Variants in SCEL observed in about 807,000 individuals in gnomAD.
The protein encoded by SCEL is sciellin.
A neutral mutation model predicts 117.6 loss-of-function variants in SCEL; 113 were observed. The observed-to-expected ratio is 0.96, with a 90% CI of 0.83 to 1.12. The LOEUF (loss-of-function observed/expected upper bound fraction) is 1.12. Among genes scored for constraint, SCEL ranks in the 50% most tolerant of loss-of-function variants. SCEL has a pLI of 0.00. For missense variants in SCEL, 785 were observed against 810.8 expected, an observed-to-expected ratio of 0.97 and a Z score of 0.39; for synonymous variants, 270 against 256.2, an observed-to-expected ratio of 1.05 and a Z score of -0.51.
intron 7 of SCEL, among the ~76,000 whole-genome samples, chr13:77,568,801 G>A (rs1338197874): frequency 6.6e-6 from 1 of 152,054 alleles, no homozygotes; most frequent in African/African-American, 2.4e-5. Flanking sequence ...TACTACTGAT[G>A]GTTATAAGCA....
chr13:77,551,133 T>G (rs1266000141), intron 1 of SCEL, among the ~76,000 whole-genome samples: 2 of 152,196 alleles, frequency 1.3e-5, no homozygotes, highest in Non-Finnish European at 2.9e-5. Flanking sequence ...TGCAGCCTCT[T>G]AACACCTTGG....
chr13:77,626,955 A>G (rs2154404938), intron 27 of SCEL, among the ~76,000 whole-genome samples: 1 of 152,222 alleles, frequency 6.6e-6, no homozygotes, highest in East Asian at 1.9e-4. Context: ...GACAAAAGAA[A>G]AAAAACAGAA....
At chr13:77,538,272 A>G (rs899593952) in intron 1 of SCEL, among the ~76,000 whole-genome samples, 2 of 151,928 alleles carry the variant, frequency 1.3e-5, no homozygotes, top group African/African-American at 4.8e-5. Context: ...GTGCACCACC[A>G]CACCCGACTA....
At chr13:77,620,874 C>A (rs1191856389) in intron 27 of SCEL, among the ~76,000 whole-genome samples, 6 of 152,134 alleles carry the variant, frequency 3.9e-5, no homozygotes, top group Non-Finnish European at 8.8e-5. Flanking sequence ...GTTAAGACAT[C>A]CCCAAGTTTT....
intron 24 of SCEL, among the ~76,000 whole-genome samples, chr13:77,617,218 T>G (rs953939951): frequency 6.6e-6 from 1 of 152,142 alleles, no homozygotes; most frequent in Non-Finnish European, 1.5e-5. Context: ...ATCCTCAATT[T>G]AGAGTTTATC....
chr13:77,548,364 A>G (rs994895996), intron 1 of SCEL, among the ~76,000 whole-genome samples: 1 of 152,222 alleles, frequency 6.6e-6, no homozygotes, highest in Non-Finnish European at 1.5e-5. Flanking sequence ...TCACCTGTTC[A>G]GGCATATTTT....
chr13:77,593,300 G>GTGTGTGTGTGCGCGTC (rs2087019686), intron 11 of SCEL, among the ~76,000 whole-genome samples: 23 of 145,222 alleles, frequency 1.6e-4, no homozygotes, highest in African/African-American at 5.4e-4. Flanking sequence ...GTGTGTGTCT[G>GTGTGTGTGTGCGCGTC]TGTGTGTGTG....
intron 1 of SCEL, among the ~76,000 whole-genome samples, chr13:77,555,161 G>C (rs537243569): frequency 5.9e-5 from 9 of 152,202 alleles, no homozygotes; most frequent in Non-Finnish European, 1.0e-4. Context: ...GACCCTGAAG[G>C]CAAAAGCGCC....
At chr13:77,542,271 C>T (rs2083746447) in intron 1 of SCEL, among the ~76,000 whole-genome samples, 2 of 152,078 alleles carry the variant, frequency 1.3e-5, no homozygotes, top group Admixed American at 1.3e-4. Flanking sequence ...CATGGTGGTG[C>T]GTGCCTGTAA....
intron 11 of SCEL, among the ~76,000 whole-genome samples, chr13:77,592,394 T>C (rs1221093158): frequency 1.3e-5 from 2 of 152,120 alleles, no homozygotes; most frequent in African/African-American, 4.8e-5. Flanking sequence ...TTAATAGAGT[T>C]TTCTGCCACA....
rs2087838038 is a variant in SCEL at position 77,603,094 on chromosome 13, T to C, written c.1056T>C (p.Asn352=). ...KTSRRSEDLD[N]ATEVNPKGHE... ...TTTAAAGAAGTGAAGACCTTGATAA[T>C]GCTACTGAAGTAAATCCCAAAGGAC... The change falls in exon 18 of 33, where the codon AAT becomes AAC. Residue 352 remains asparagine (N), a synonymous_variant. Coordinates refer to ENST00000349847, the MANE Select transcript of SCEL (RefSeq NM_144777.3). 6.4e-7 allele frequency: 1 copy of C among 1,559,776 alleles called. No homozygotes were observed. The highest frequency in any genetic ancestry group is 1.7e-4 in the Middle Eastern group (1 of 5,838).
intron 1 of SCEL, among the ~76,000 whole-genome samples, chr13:77,549,388 T>C (rs1309196799): frequency 6.6e-6 from 1 of 152,220 alleles, no homozygotes; most frequent in Non-Finnish European, 1.5e-5. Context: ...AGGTGCTCAA[T>C]TGAAATAACA....
rs533233811 is a variant in SCEL, at chr13:77,543,893, A to G, written c.-20+8069A>G. Among the ~76,000 whole-genome samples the G allele has an allele frequency of 2.8e-4, 42 of 152,214 alleles. 1 individual carries two copies. The South Asian group carries it at 8.3e-3, about 30-fold the overall frequency. ...CAGGCTGATTTGAGTTTGAATCCCA[A>G]CTGGGCGATTCACTAGTTATGTAAC... is the stretch of plus-strand genomic sequence containing the variant. On this transcript the variant is annotated intron_variant, in intron 1 of 32. Transcript: ENST00000349847.
intron 7 of SCEL, 95 bp from the exon 8 acceptor site, chr13:77,569,276 G>A (rs2085459942): frequency 2.2e-6 from 2 of 914,810 alleles, no homozygotes; most frequent in African/African-American, 3.3e-5. Context: ...ACAGAGAGCA[G>A]GCAGGAATAT....
At chr13:77,562,042 G>C (rs1323595265) in intron 4 of SCEL, among the ~76,000 whole-genome samples, 1 of 152,174 alleles carries the variant, frequency 6.6e-6, no homozygotes, top group Admixed American at 6.5e-5. Context: ...TGTTCTGGTA[G>C]ATCATTTAAA....
At chr13:77,546,938 T>TG (rs2084022617) in intron 1 of SCEL, among the ~76,000 whole-genome samples, 1 of 151,848 alleles carries the variant, frequency 6.6e-6, no homozygotes, top group African/African-American at 2.4e-5. Context: ...CAGAAAAGAG[T>TG]GGGGGAGCAC....
chr13:77,563,952 T>C, intron 5 of SCEL, 53 bp downstream of exon 5: 1 of 1,225,692 alleles, frequency 8.2e-7, no homozygotes, highest in African/African-American at 1.6e-5. Context: ...TAAATACATT[T>C]TCTAATAAAG....
Position 77,644,361 on chromosome 13 carries a change from G to T in SCEL, c.*87G>T, listed in dbSNP as rs2090699452. On this transcript the variant is annotated 3_prime_UTR_variant, in exon 33 of 33. Coordinates refer to ENST00000349847, the MANE Select transcript of SCEL (RefSeq NM_144777.3). ...TCTTAATAATATGTAATCTAGAAAA[G>T]CTTTCACATTGAAGATCAACTCTTG... The T allele has an allele frequency of 1.5e-6, 2 of 1,329,322 alleles. No homozygotes were observed. The highest frequency in any genetic ancestry group is 2.1e-6 in the Non-Finnish European group (2 of 937,660). The allele number at this position is 1,329,322 out of a possible 1,614,324, so 82.3% of individuals were successfully genotyped here. A position where few individuals can be genotyped will look rare whatever the true frequency, so the allele number is the denominator to read the frequency against.
intron 15 of SCEL, chr13:77,600,017 A>G: frequency 5.0e-6 from 2 of 401,128 alleles, no homozygotes; most frequent in South Asian, 4.8e-5. Flanking sequence ...GTTCCCCTTC[A>G]TATCTAAAAT....
Sources: allele counts gnomAD v4.1 joint callset (sites outside exome capture counted in the v4.1 genomes callset), GRCh38; gene constraint gnomAD v4.1.1; transcripts MANE v1.5; gene names NCBI Gene and HGNC (gene_info 2026-07-23, HGNC 2026-07-21).